LRRC4C: variants seen among roughly 807,000 people sequenced by gnomAD.
LRRC4C encodes leucine-rich repeat-containing protein 4C.
Under a neutral mutation model 33.6 loss-of-function variants are expected in LRRC4C, and 5 were observed. The ratio of observed to expected loss-of-function variants is 0.15; its 90% CI spans 0.08 to 0.31. The LOEUF (loss-of-function observed/expected upper bound fraction) is 0.31, where lower values mean the gene tolerates loss of function less well. Among genes scored for constraint, LRRC4C ranks in the 10% least tolerant of loss-of-function variants. The pLI is 1.00. For missense variants in LRRC4C, 560 were observed against 796.7 expected (o/e 0.70, Z 3.58); for synonymous variants, 329 against 302.0 (o/e 1.09, Z -0.93).
chr11:40,241,821 T>C (rs1190329976), intron 4 of LRRC4C: 1 of 152,210 alleles, frequency 6.6e-6, no homozygotes, highest in Non-Finnish European at 1.5e-5. Context: ...AGGTTGCTAG[T>C]ATCCACCACA....
chr11:40,708,960 A>G (rs1946320914), intron 2 of LRRC4C, among the ~76,000 whole-genome samples: 1 of 152,112 alleles, frequency 6.6e-6, no homozygotes, highest in Non-Finnish European at 1.5e-5. Flanking sequence ...CTTTACCATT[A>G]TATAAGGGCC....
At chr11:41,205,021 C>A (rs1946542505) in intron 1 of LRRC4C, among the ~76,000 whole-genome samples, 1 of 152,106 alleles carries the variant, frequency 6.6e-6, no homozygotes, top group African/African-American at 2.4e-5. Context: ...ATCACCAACC[C>A]TTTGGAGATC....
At chr11:40,549,542 A>C (rs1294326434) in intron 3 of LRRC4C, among the ~76,000 whole-genome samples, 1 of 152,202 alleles carries the variant, frequency 6.6e-6, no homozygotes, top group Non-Finnish European at 1.5e-5. Context: ...AAATGTACAA[A>C]AAATAACTTA....
chr11:40,768,687 T>C (rs775336725), intron 2 of LRRC4C, among the ~76,000 whole-genome samples: 2 of 152,104 alleles, frequency 1.3e-5, no homozygotes, highest in Admixed American at 6.5e-5. Context: ...ATTCATCATA[T>C]GCAAATCAAT....
At chr11:40,634,555 T>C (rs1407143893) in intron 3 of LRRC4C, among the ~76,000 whole-genome samples, 1 of 152,134 alleles carries the variant, frequency 6.6e-6, no homozygotes, top group Non-Finnish European at 1.5e-5. Context: ...CGTACTAACA[T>C]TTAGACATAA....
intron 5 of LRRC4C, among the ~76,000 whole-genome samples, chr11:40,166,143 A>C (rs573524638): frequency 6.6e-6 from 1 of 152,250 alleles, no homozygotes; most frequent in South Asian, 2.1e-4. Context: ...TGTACATTAG[A>C]ATGTTTATAG....
At chr11:40,337,279 C>T (rs1213534475) in intron 3 of LRRC4C, among the ~76,000 whole-genome samples, 1 of 152,046 alleles carries the variant, frequency 6.6e-6, no homozygotes, top group African/African-American at 2.4e-5. Flanking sequence ...GCTTTACAGA[C>T]GAAGGTAAAG....
chr11:40,853,393 A>C (rs1021979405), intron 2 of LRRC4C, among the ~76,000 whole-genome samples: 7 of 148,598 alleles, frequency 4.7e-5, no homozygotes, highest in African/African-American at 1.7e-4. Context: ...GAAATATATA[A>C]ATGTATATGT....
chr11:40,382,123 ATTTTTTTTTTTT>A (rs77934711), intron 3 of LRRC4C, among the ~76,000 whole-genome samples: 28 of 99,982 alleles, frequency 2.8e-4, no homozygotes, highest in Admixed American at 6.7e-4. Context: ...TGCCCGGCTA[ATTTTTTTTTTTT>A]TTTTTTTTTT....
chr11:41,442,798 C>G (rs148683756), intron 1 of LRRC4C, among the ~76,000 whole-genome samples: 2,549 of 152,112 alleles, frequency 0.017, 72 homozygotes, highest in African/African-American at 0.058. Context: ...TAAAAACAGC[C>G]ATTAGATTTT....
chr11:41,194,840 A>G (rs937561297), intron 1 of LRRC4C, among the ~76,000 whole-genome samples: 1 of 152,106 alleles, frequency 6.6e-6, no homozygotes, highest in African/African-American at 2.4e-5. Context: ...ATTTATAGTA[A>G]TATTGTTATA....
chr11:40,311,992 A>G (rs1188515177), intron 4 of LRRC4C, among the ~76,000 whole-genome samples: 1 of 151,496 alleles, frequency 6.6e-6, no homozygotes, highest in Non-Finnish European at 1.5e-5. Context: ...TGTACATTAC[A>G]GTGCTTTATG....
intron 1 of LRRC4C, among the ~76,000 whole-genome samples, chr11:41,245,860 A>C (rs1221088797): frequency 1.3e-5 from 2 of 152,210 alleles, no homozygotes; most frequent in African/African-American, 4.8e-5. Flanking sequence ...CATAGTGGGC[A>C]GCTCCTCTGC....
chr11:41,324,740 G>A (rs76387650), intron 1 of LRRC4C, among the ~76,000 whole-genome samples: 2,029 of 152,228 alleles, frequency 0.013, 56 homozygotes, highest in African/African-American at 0.046. Context: ...ATTTTGTCAG[G>A]GATGTGGGGA....
At chr11:40,743,186 T>A (rs886359803) in intron 2 of LRRC4C, among the ~76,000 whole-genome samples, 1 of 152,074 alleles carries the variant, frequency 6.6e-6, no homozygotes, top group Non-Finnish European at 1.5e-5. Context: ...AAATCAATAA[T>A]CTTAAAAATG....
chr11:40,460,367 GA>G (rs148291091), intron 3 of LRRC4C, among the ~76,000 whole-genome samples: 4,645 of 151,762 alleles, frequency 0.031, 114 homozygotes, highest in Non-Finnish European at 0.042. Flanking sequence ...TACAGACAAT[GA>G]AAAAAATAGC....
chr11:40,712,146 C>A (rs1342758608), intron 2 of LRRC4C, among the ~76,000 whole-genome samples: 1 of 152,138 alleles, frequency 6.6e-6, no homozygotes, highest in Non-Finnish European at 1.5e-5. Flanking sequence ...TTAAAGTTTT[C>A]TTGCAATATC....
intron 1 of LRRC4C, among the ~76,000 whole-genome samples, chr11:41,079,501 A>G (rs1939404357): frequency 6.6e-6 from 1 of 152,206 alleles, no homozygotes; most frequent in Admixed American, 6.5e-5. Context: ...CAAATGCCTT[A>G]TGTGGGTAAC....
chr11:41,054,549 A>C (rs773828496), intron 1 of LRRC4C, among the ~76,000 whole-genome samples: 2 of 152,252 alleles, frequency 1.3e-5, no homozygotes, highest in Non-Finnish European at 2.9e-5. Flanking sequence ...CAAAAAGAAA[A>C]GCAACATAAG....
Sources: allele counts gnomAD v4.1 joint callset (sites outside exome capture counted in the v4.1 genomes callset), GRCh38; gene constraint gnomAD v4.1.1; transcripts MANE v1.5; gene names NCBI Gene and HGNC (gene_info 2026-07-23, HGNC 2026-07-21).